The following MARCHF11 variants were observed in gnomAD, a reference collection of about 807,000 sequenced individuals.
MARCHF11 encodes E3 ubiquitin-protein ligase MARCHF11.
MARCHF11 carries 29 observed loss-of-function variants against 37.3 expected under a neutral mutation model. The observed-to-expected ratio is 0.78, with a 90% CI of 0.58 to 1.06. The LOEUF (loss-of-function observed/expected upper bound fraction) is 1.06. Ranked by LOEUF, MARCHF11 falls within the 50% of genes least tolerant of loss-of-function variation. The pLI is 0.00. For synonymous variants in MARCHF11, 233 were observed against 228.0 expected (o/e 1.02, Z -0.20); for missense variants, 482 against 533.4 (o/e 0.90, Z 0.95).
intron 2 of MARCHF11, among the ~76,000 whole-genome samples, chr5:16,114,660 CT>C (rs35064794): frequency 2.5e-4 from 36 of 146,010 alleles, no homozygotes; most frequent in South Asian, 4.4e-4. Flanking sequence ...AGAAGCTTTA[CT>C]TTTTTTTTTT....
intron 2 of MARCHF11, chr5:16,141,156 C>T (rs1737695923): frequency 6.6e-6 from 1 of 152,210 alleles, no homozygotes; most frequent in Non-Finnish European, 1.5e-5. Flanking sequence ...CAGCATCTCC[C>T]TGCTTCTTCC....
At chr5:16,084,408 C>T (rs113416339) in intron 3 of MARCHF11, among the ~76,000 whole-genome samples, 3 of 152,038 alleles carry the variant, frequency 2.0e-5, no homozygotes, top group Non-Finnish European at 4.4e-5. Flanking sequence ...TTTGGGAGGC[C>T]GAGGCAGGCG....
At chr5:16,124,192 G>A (rs745654145) in intron 2 of MARCHF11, among the ~76,000 whole-genome samples, 40 of 152,030 alleles carry the variant, frequency 2.6e-4, no homozygotes, top group Non-Finnish European at 4.6e-4. Flanking sequence ...GTGAATTTAC[G>A]AGAAGTTGTA....
At chr5:16,089,693 A>T (rs1375061214) in intron 3 of MARCHF11, among the ~76,000 whole-genome samples, 1 of 152,214 alleles carries the variant, frequency 6.6e-6, no homozygotes, top group Non-Finnish European at 1.5e-5. Context: ...TTGCTAGTCA[A>T]ATTAAAGCTC....
rs993163799 is a variant in MARCHF11 at position 16,179,460 on chromosome 5, G to T, written c.116C>A (p.Pro39Gln). ...GCGCGGGGCCGCGGGGACCGGGGCC[G>T]GCTCTCCCGGCGGCGGCGTCGGCGG... ...PPPPTPPPGE[P>Q]APVPAAPRYL... The change falls in exon 1 of 4, where the codon CCG (proline) becomes CAG (glutamine). Residue 39 changes from proline to glutamine, a missense_variant. Physicochemically the swap from Pro to Gln is moderately conservative, Grantham distance 76. Coordinates refer to ENST00000332432, the MANE Select transcript of MARCHF11 (RefSeq NM_001102562.3). 7 of 1,122,950 alleles carry T rather than the reference G, an allele frequency of 6.2e-6. No homozygotes were observed. The South Asian group carries it at 2.1e-4, about 34-fold the overall frequency. 69.6% of individuals were successfully genotyped at this position (1,122,950 alleles called of 1,614,324 possible). A position where few individuals can be genotyped will look rare whatever the true frequency, so the allele number is the denominator to read the frequency against.
In MARCHF11 at chr5:16,147,763, G is replaced by A. The variant is rs927831699; in HGVS notation, c.693+29963C>T. 6.6e-5 allele frequency among the ~76,000 whole-genome samples: 10 copies of A among 152,222 alleles called. No individual in the cohort carries two copies. In the East Asian group the frequency reaches 7.7e-4, roughly 12 times the overall value. On this transcript the variant is annotated intron_variant, in intron 2 of 3. Transcript: ENST00000332432. ...TGCAACCAAATACTGTATAGCATAC[G>A]TAGCAATACTAATACACTGCACACT... is the stretch of plus-strand genomic sequence containing the variant.
intron 2 of MARCHF11, among the ~76,000 whole-genome samples, chr5:16,147,883 G>A (rs186554342): frequency 2.6e-5 from 4 of 152,220 alleles, no homozygotes; most frequent in Admixed American, 2.6e-4. Flanking sequence ...ACACTGGCTA[G>A]CCACTGCCTT....
intron 2 of MARCHF11, among the ~76,000 whole-genome samples, chr5:16,132,153 T>C (rs1737528125): frequency 6.6e-6 from 1 of 152,170 alleles, no homozygotes; most frequent in South Asian, 2.1e-4. Flanking sequence ...TATAAACAGG[T>C]TTACTGCCAT....
At chr5:16,161,533 A>G (rs1394617952) in intron 2 of MARCHF11, among the ~76,000 whole-genome samples, 1 of 151,960 alleles carries the variant, frequency 6.6e-6, no homozygotes, top group East Asian at 1.9e-4. Flanking sequence ...AAATGTCTCC[A>G]TATTGTTAAA....
intron 2 of MARCHF11, among the ~76,000 whole-genome samples, chr5:16,132,597 T>A (rs568754816): frequency 1.3e-5 from 2 of 152,174 alleles, no homozygotes; most frequent in Non-Finnish European, 2.9e-5. Flanking sequence ...TATTTGGATA[T>A]GGATGATTTA....
chr5:16,129,758 T>C (rs1395215534), intron 2 of MARCHF11, among the ~76,000 whole-genome samples: 1 of 152,148 alleles, frequency 6.6e-6, no homozygotes, highest in East Asian at 1.9e-4. Flanking sequence ...CAAGAAGACA[T>C]AGTGATTTCC....
intron 2 of MARCHF11, among the ~76,000 whole-genome samples, chr5:16,095,250 G>T (rs1736846527): frequency 6.6e-6 from 1 of 152,176 alleles, no homozygotes; most frequent in Non-Finnish European, 1.5e-5. Context: ...CTGCTCCTCA[G>T]AGTAATTCCC....
At chr5:16,152,613 C>T (rs990377654) in intron 2 of MARCHF11, among the ~76,000 whole-genome samples, 7 of 152,088 alleles carry the variant, frequency 4.6e-5, no homozygotes, top group East Asian at 3.9e-4. Context: ...GAGCCCAAGA[C>T]GTTTCATCAC....
intron 2 of MARCHF11, among the ~76,000 whole-genome samples, chr5:16,133,437 T>A (rs913710556): frequency 1.3e-5 from 2 of 152,066 alleles, no homozygotes; most frequent in Non-Finnish European, 2.9e-5. Flanking sequence ...AAGTATCTCT[T>A]CACCCCACAT....
chr5:16,170,488 T>C (rs1018536185), intron 2 of MARCHF11, among the ~76,000 whole-genome samples: 2 of 152,146 alleles, frequency 1.3e-5, no homozygotes, highest in Non-Finnish European at 2.9e-5. Flanking sequence ...ATAGCATTAT[T>C]GGAAGATCAA....
At chr5:16,148,256 T>A (rs1278942237) in intron 2 of MARCHF11, among the ~76,000 whole-genome samples, 3 of 152,048 alleles carry the variant, frequency 2.0e-5, no homozygotes, top group African/African-American at 7.2e-5. Flanking sequence ...ATTAAATTTA[T>A]GAAAAAAAGT....
At chr5:16,130,624 G>C (rs1033376540) in intron 2 of MARCHF11, among the ~76,000 whole-genome samples, 2 of 152,070 alleles carry the variant, frequency 1.3e-5, no homozygotes, top group Non-Finnish European at 2.9e-5. Context: ...GACATAAAAG[G>C]ACAAACAAAA....
At chr5:16,131,148 A>G (rs1441448820) in intron 2 of MARCHF11, among the ~76,000 whole-genome samples, 2 of 152,234 alleles carry the variant, frequency 1.3e-5, no homozygotes, top group African/African-American at 4.8e-5. Context: ...GTTCAAAGTA[A>G]TTCCTTAAAC....
At position 16,168,684 on chromosome 5, in the gene MARCHF11, G is replaced by A. The variant is rs79341143; in HGVS notation, c.693+9042C>T. On this transcript the variant is annotated intron_variant, in intron 2 of 3. Coordinates refer to ENST00000332432, the MANE Select transcript of MARCHF11 (RefSeq NM_001102562.3). ...TCTCCTTCTTTCCATGGGGCTGGAG[G>A]TCTCACTGGAAACCTCCCACCTACT... Among the ~76,000 whole-genome samples the A allele has an allele frequency of 6.4e-3, 969 of 152,146 alleles. 9 individuals carry two copies. The highest frequency in any genetic ancestry group is 0.022 in the African/African-American group (925 of 41,522).
Sources: allele counts gnomAD v4.1 joint callset (sites outside exome capture counted in the v4.1 genomes callset), GRCh38; gene constraint gnomAD v4.1.1; transcripts MANE v1.5; gene names NCBI Gene and HGNC (gene_info 2026-07-23, HGNC 2026-07-21).